The following GALNTL6 variants were observed in gnomAD, a reference collection of about 807,000 sequenced individuals.
GALNTL6 encodes polypeptide N-acetylgalactosaminyltransferase like 6.
In GALNTL6, 46 loss-of-function variants were observed where a neutral mutation model predicts 73.7. That is an observed-to-expected ratio of 0.62 (90% CI 0.49 to 0.80). The LOEUF (loss-of-function observed/expected upper bound fraction) is 0.80, where lower values mean the gene tolerates loss of function less well. Ranked by LOEUF, GALNTL6 falls within the 30% of genes least tolerant of loss-of-function variation. The pLI, the probability that GALNTL6 is intolerant of heterozygous loss-of-function variation, is 0.00. For missense variants in GALNTL6, 604 were observed against 755.0 expected (o/e 0.80, Z 2.34); for synonymous variants, 259 against 263.7 (o/e 0.98, Z 0.17).
At chr4:172,016,334 CT>C (rs985672214) in intron 2 of GALNTL6, among the ~76,000 whole-genome samples, 3 of 151,962 alleles carry the variant, frequency 2.0e-5, no homozygotes, top group African/African-American at 7.2e-5. Context: ...GAAATTCTTT[CT>C]TCTACTTGTT....
intron 2 of GALNTL6, among the ~76,000 whole-genome samples, chr4:171,878,942 C>T (rs1736359869): frequency 6.6e-6 from 1 of 152,130 alleles, no homozygotes; most frequent in African/African-American, 2.4e-5. Flanking sequence ...GTCTATTTCC[C>T]TTTCACCTTC....
intron 2 of GALNTL6, among the ~76,000 whole-genome samples, chr4:171,968,466 T>C (rs1457810691): frequency 6.6e-6 from 1 of 152,190 alleles, no homozygotes; most frequent in Non-Finnish European, 1.5e-5. Flanking sequence ...TTCTCTATGT[T>C]TGTGTCCTTT....
At chr4:172,161,523 T>C (rs1164812606) in intron 2 of GALNTL6, among the ~76,000 whole-genome samples, 2 of 152,008 alleles carry the variant, frequency 1.3e-5, no homozygotes, top group Non-Finnish European at 2.9e-5. Flanking sequence ...GCTGATGGAA[T>C]GAAGCAACAT....
intron 2 of GALNTL6, among the ~76,000 whole-genome samples, chr4:172,062,070 C>T (rs538592446): frequency 1.3e-5 from 2 of 151,708 alleles, no homozygotes; most frequent in South Asian, 2.1e-4. Context: ...CTGCCGCAGC[C>T]TCCTGAGTAG....
chr4:172,372,572 G>A (rs1447873147), intron 5 of GALNTL6, among the ~76,000 whole-genome samples: 4 of 152,184 alleles, frequency 2.6e-5, no homozygotes, highest in African/African-American at 9.7e-5. Context: ...TGGTTGTGGG[G>A]TTGTCACACG....
At chr4:172,483,006 G>GTATATA (rs143506457) in intron 5 of GALNTL6, among the ~76,000 whole-genome samples, 5 of 150,972 alleles carry the variant, frequency 3.3e-5, no homozygotes, top group South Asian at 2.1e-4. Context: ...ATGAGTTTAT[G>GTATATA]TATATATATA....
At chr4:172,519,594 CA>C (rs1407036080) in intron 5 of GALNTL6, among the ~76,000 whole-genome samples, 3 of 150,800 alleles carry the variant, frequency 2.0e-5, no homozygotes, top group Non-Finnish European at 4.4e-5. Context: ...CTTCCACTGA[CA>C]AAGACACTTT....
At chr4:172,661,432 G>A (rs913119300) in intron 5 of GALNTL6, among the ~76,000 whole-genome samples, 22 of 152,244 alleles carry the variant, frequency 1.4e-4, no homozygotes, top group African/African-American at 5.3e-4. Context: ...TGTTTGTTCT[G>A]TTTCTCTGGA....
intron 5 of GALNTL6, among the ~76,000 whole-genome samples, chr4:172,571,929 C>T (rs1372570258): frequency 6.6e-6 from 1 of 152,210 alleles, no homozygotes; most frequent in African/African-American, 2.4e-5. Context: ...CATAAGTTGC[C>T]CTGCAGGCAA....
At chr4:173,039,639 G>A (rs559095662) in intron 12 of GALNTL6, among the ~76,000 whole-genome samples, 1 of 152,256 alleles carries the variant, frequency 6.6e-6, no homozygotes, top group East Asian at 1.9e-4. Flanking sequence ...GCTCACCACA[G>A]AGCAGAAAAT....
Position 172,064,297 on chromosome 4 carries a change from A to G in GALNTL6, c.139-165359A>G, listed in dbSNP as rs190305371. 3.9e-5 allele frequency among the ~76,000 whole-genome samples: 6 copies of G among 152,282 alleles called. No individual in the cohort carries two copies. The East Asian group carries it at 9.7e-4, about 25-fold the overall frequency. On this transcript the variant is annotated intron_variant, in intron 2 of 12. Transcript: ENST00000506823. The stretch of plus-strand genomic sequence containing the variant: ...TAAAGACAGTGACAATCAAGTCAGC[A>G]TTATGATTATTTGGCCTTTGGTGCC...
At chr4:172,657,578 A>T (rs1731100835) in intron 5 of GALNTL6, among the ~76,000 whole-genome samples, 1 of 152,228 alleles carries the variant, frequency 6.6e-6, no homozygotes, top group Non-Finnish European at 1.5e-5. Flanking sequence ...AAAGTTTCTT[A>T]GGAAAAGAAC....
chr4:172,407,268 A>G (rs1421250990), intron 5 of GALNTL6, among the ~76,000 whole-genome samples: 1 of 152,076 alleles, frequency 6.6e-6, no homozygotes. Context: ...TTTAGGGTGT[A>G]AGCAGGAAAA....
chr4:172,301,972 G>A (rs958280130), intron 3 of GALNTL6, among the ~76,000 whole-genome samples: 1 of 152,218 alleles, frequency 6.6e-6, no homozygotes, highest in Non-Finnish European at 1.5e-5. Flanking sequence ...CAGAGGTGGA[G>A]TCTACTGAGG....
At chr4:172,610,780 T>A (rs1738496968) in intron 5 of GALNTL6, among the ~76,000 whole-genome samples, 1 of 152,114 alleles carries the variant, frequency 6.6e-6, no homozygotes, top group Non-Finnish European at 1.5e-5. Flanking sequence ...ATACTGTCAA[T>A]GAGGTGGTGA....
chr4:172,870,411 A>AT (rs1266568312), intron 7 of GALNTL6, among the ~76,000 whole-genome samples: 1 of 152,048 alleles, frequency 6.6e-6, no homozygotes, highest in African/African-American at 2.4e-5. Flanking sequence ...AATTGTACAT[A>AT]TTTTTGTTAC....
intron 2 of GALNTL6, among the ~76,000 whole-genome samples, chr4:171,942,267 T>A (rs983762603): frequency 1.4e-5 from 2 of 148,006 alleles, no homozygotes; most frequent in African/African-American, 4.9e-5. Flanking sequence ...AATAAATAAA[T>A]ATAATATACA....
At chr4:172,651,049 TGAAA>T (rs2111150593) in intron 5 of GALNTL6, among the ~76,000 whole-genome samples, 2 of 152,318 alleles carry the variant, frequency 1.3e-5, no homozygotes, top group South Asian at 4.1e-4. Flanking sequence ...TATAAACTGA[TGAAA>T]GACTTTTACT....
intron 2 of GALNTL6, among the ~76,000 whole-genome samples, chr4:171,946,019 CA>C (rs550936595): frequency 7.2e-4 from 110 of 152,180 alleles, no homozygotes; most frequent in African/African-American, 2.6e-3. Flanking sequence ...CAAATTTGTG[CA>C]TGGCTTTTTT....
Sources: gnomAD v4.1 joint callset for allele counts (sites outside exome capture counted in the v4.1 genomes callset) on GRCh38, gnomAD v4.1.1 for gene constraint, MANE v1.5 for transcripts, NCBI Gene and HGNC (gene_info 2026-07-23, HGNC 2026-07-21) for gene names.